Variants in IMMP2L observed in about 807,000 individuals in gnomAD.
The protein encoded by IMMP2L is mitochondrial inner membrane protease subunit 2.
Under a neutral mutation model 19.3 loss-of-function variants are expected in IMMP2L, and 18 were observed. That is an observed-to-expected ratio of 0.93 (90% CI 0.64 to 1.38). IMMP2L has a LOEUF of 1.38. Among genes scored for constraint, IMMP2L ranks in the 40% most tolerant of loss-of-function variants. The probability of loss-of-function intolerance (pLI) is 0.00; values close to 1 mark genes in which losing one functional copy is unlikely to be tolerated. For synonymous variants in IMMP2L, 76 were observed against 73.0 expected (o/e 1.04, Z -0.21); for missense variants, 233 against 218.2 (o/e 1.07, Z -0.43).
intron 1 of IMMP2L, among the ~76,000 whole-genome samples, chr7:111,555,681 C>G (rs1218927044): frequency 6.6e-6 from 1 of 151,966 alleles, no homozygotes; most frequent in Admixed American, 6.6e-5. Context: ...CTTCACTTAG[C>G]ATAATGTCCC....
At chr7:111,550,517 T>C (rs1405394565) in intron 1 of IMMP2L, among the ~76,000 whole-genome samples, 1 of 152,096 alleles carries the variant, frequency 6.6e-6, no homozygotes, top group Non-Finnish European at 1.5e-5. Flanking sequence ...GTGGGGGATG[T>C]TGATCATGCA....
rs10257658 is a variant in IMMP2L at position 111,149,180 on chromosome 7, T to C, written c.240-185615A>G. Among the ~76,000 whole-genome samples the C allele has an allele frequency of 9.4e-3, 1,436 of 152,282 alleles. 23 individuals are homozygous for C. The highest frequency in any genetic ancestry group is 0.032 in the African/African-American group (1,331 of 41,554). ...AACTAAAACCAATCCCTTCATGTTT[T>C]ATAATAAGTTATTACAGCTTGGGAT... On this transcript the variant is annotated intron_variant, in intron 3 of 5. Transcript: ENST00000405709.
intron 3 of IMMP2L, among the ~76,000 whole-genome samples, chr7:111,283,970 C>CAAAAAAAAA (rs972346409): frequency 2.1e-5 from 1 of 48,616 alleles, no homozygotes; most frequent in Non-Finnish European, 4.3e-5. Context: ...GACTCCGTCT[C>CAAAAAAAAA]AAAAAAAAAA....
In IMMP2L at chr7:111,413,403, A is replaced by G. The variant is rs1189238673; in HGVS notation, c.239+73835T>C. On this transcript the variant is annotated intron_variant, in intron 3 of 5. Transcript: ENST00000405709. ...ATCCAGATAGAGATTACAAAAAAAA[A>G]ATAAAAGACAGACCAATGTATCTCA... Among the ~76,000 whole-genome samples, 5 of 152,232 alleles carry G rather than the reference A, an allele frequency of 3.3e-5. No homozygotes were observed. In the East Asian group the frequency reaches 9.7e-4, roughly 29 times the overall value.
At chr7:110,732,277 G>A (rs1001292059) in intron 5 of IMMP2L, among the ~76,000 whole-genome samples, 9 of 152,160 alleles carry the variant, frequency 5.9e-5, no homozygotes, top group African/African-American at 1.9e-4. Context: ...TTCCCTATAT[G>A]TCAAGCATAT....
intron 2 of IMMP2L, among the ~76,000 whole-genome samples, chr7:111,500,951 C>G (rs1239489626): frequency 6.6e-6 from 1 of 152,180 alleles, no homozygotes; most frequent in Non-Finnish European, 1.5e-5. Flanking sequence ...TCCTCACCAG[C>G]AACGGAACAA....
intron 3 of IMMP2L, among the ~76,000 whole-genome samples, chr7:111,103,764 G>C (rs191492009): frequency 1.3e-5 from 2 of 151,372 alleles, no homozygotes; most frequent in African/African-American, 4.8e-5. Flanking sequence ...AACTTTTAAC[G>C]CATTATTTTA....
At chr7:111,379,525 A>G (rs944875679) in intron 3 of IMMP2L, among the ~76,000 whole-genome samples, 3 of 151,878 alleles carry the variant, frequency 2.0e-5, no homozygotes, top group Admixed American at 1.3e-4. Flanking sequence ...AGCACTATTG[A>G]TATTTCACTG....
At chr7:110,680,111 G>A (rs374768480) in intron 5 of IMMP2L, among the ~76,000 whole-genome samples, 1 of 152,182 alleles carries the variant, frequency 6.6e-6, no homozygotes, top group African/African-American at 2.4e-5. Flanking sequence ...TATTTTGCAT[G>A]AGACTAAGGT....
At chr7:110,825,516 C>T (rs951696843) in intron 5 of IMMP2L, among the ~76,000 whole-genome samples, 72 of 151,954 alleles carry the variant, frequency 4.7e-4, no homozygotes, top group Non-Finnish European at 2.8e-4. Context: ...AGAACAGAGC[C>T]CTCAGAAATA....
intron 3 of IMMP2L, among the ~76,000 whole-genome samples, chr7:111,133,299 G>A (rs1293489413): frequency 6.6e-6 from 1 of 152,020 alleles, no homozygotes; most frequent in Admixed American, 6.6e-5. Flanking sequence ...GCAGAGGGAC[G>A]ATTACACATA....
intron 3 of IMMP2L, among the ~76,000 whole-genome samples, chr7:111,458,252 C>G (rs1042646614): frequency 6.6e-6 from 1 of 151,922 alleles, no homozygotes; most frequent in Non-Finnish European, 1.5e-5. Flanking sequence ...ATGGCGTGCG[C>G]CTGTACTCCC....
chr7:110,889,489 T>G (rs1262652682), intron 4 of IMMP2L, among the ~76,000 whole-genome samples: 1 of 152,118 alleles, frequency 6.6e-6, no homozygotes, highest in Non-Finnish European at 1.5e-5. Context: ...ATGACACCAC[T>G]GATTTGGCAC....
chr7:110,672,475 G>A (rs953193650), intron 5 of IMMP2L, among the ~76,000 whole-genome samples: 1 of 152,042 alleles, frequency 6.6e-6, no homozygotes, highest in African/African-American at 2.4e-5. Flanking sequence ...AAACACAATC[G>A]TGTCTTTCCA....
chr7:111,007,164 A>T (rs2129562426), intron 3 of IMMP2L, among the ~76,000 whole-genome samples: 1 of 152,278 alleles, frequency 6.6e-6, no homozygotes, highest in East Asian at 1.9e-4. Context: ...ACATGGTGGC[A>T]GGAGAGAGAA....
At chr7:110,910,505 A>C (rs1475280425) in intron 4 of IMMP2L, among the ~76,000 whole-genome samples, 1 of 152,184 alleles carries the variant, frequency 6.6e-6, no homozygotes, top group Non-Finnish European at 1.5e-5. Flanking sequence ...TCATTAATAG[A>C]AGCGTTGAAT....
At chr7:110,818,854 G>GC in intron 5 of IMMP2L, among the ~76,000 whole-genome samples, 1 of 150,182 alleles carries the variant, frequency 6.7e-6, no homozygotes, top group South Asian at 2.1e-4. Flanking sequence ...GCAAACTATC[G>GC]CAAGGACAAA....
At chr7:110,750,710 C>G (rs1434916765) in intron 5 of IMMP2L, among the ~76,000 whole-genome samples, 1 of 152,012 alleles carries the variant, frequency 6.6e-6, no homozygotes, top group Non-Finnish European at 1.5e-5. Flanking sequence ...GCTGAGATTA[C>G]TGTTAATGCT....
chr7:111,305,334 A>G (rs926173533), intron 3 of IMMP2L, among the ~76,000 whole-genome samples: 1 of 152,108 alleles, frequency 6.6e-6, no homozygotes, highest in African/African-American at 2.4e-5. Flanking sequence ...CCTGAGTGCT[A>G]AATATTTTTT....
Sources: allele counts gnomAD v4.1 joint callset (sites outside exome capture counted in the v4.1 genomes callset), GRCh38; gene constraint gnomAD v4.1.1; transcripts MANE v1.5; gene names NCBI Gene and HGNC (gene_info 2026-07-23, HGNC 2026-07-21).